Variants in BRD10 observed in about 807,000 individuals in gnomAD.
BRD10 encodes uncharacterized bromodomain-containing protein 10.
At chr9:5,984,179 T>C in the BRD10 span, among the ~76,000 whole-genome samples, 491 of 152,126 alleles carry the variant, frequency 3.2e-3, 5 homozygotes, top group African/African-American at 7.3e-3. Context: ...AGGCAGAATG[T>C]TGGGAAGGGT....
chr9:5,893,289 G>A, the BRD10 span, among the ~76,000 whole-genome samples: 2 of 152,162 alleles, frequency 1.3e-5, no homozygotes, highest in Non-Finnish European at 1.5e-5. Context: ...CTCTGTACGT[G>A]CTGGGTGGCA....
At chr9:5,971,211 T>C in the BRD10 span, among the ~76,000 whole-genome samples, 8 of 152,102 alleles carry the variant, frequency 5.3e-5, no homozygotes, top group East Asian at 7.7e-4. Flanking sequence ...CAGAATGAGA[T>C]ACTACTCCAA....
chr9:5,969,097 T>G, the BRD10 span: 1 of 1,612,950 alleles, frequency 6.2e-7, no homozygotes, highest in Admixed American at 1.7e-5. Flanking sequence ...TGTACCACTG[T>G]TGTACTTTCT....
At chr9:5,957,288 T>C in the BRD10 span, among the ~76,000 whole-genome samples, 2 of 152,302 alleles carry the variant, frequency 1.3e-5, no homozygotes, top group East Asian at 3.9e-4. Context: ...ACACAGTAAG[T>C]AAGCACCACA....
the BRD10 span, among the ~76,000 whole-genome samples, chr9:5,947,724 C>T: frequency 1.9e-4 from 29 of 151,962 alleles, no homozygotes; most frequent in Admixed American, 1.6e-3. Context: ...ACTCTACTAC[C>T]TCTCTTCTGC....
the BRD10 span, among the ~76,000 whole-genome samples, chr9:5,880,196 G>T: frequency 4.6e-5 from 7 of 151,506 alleles, no homozygotes; most frequent in African/African-American, 1.7e-4. Context: ...TGGGATTACA[G>T]GTGTGAGCCA....
the BRD10 span, among the ~76,000 whole-genome samples, chr9:5,915,662 A>T: frequency 1.3e-5 from 2 of 152,192 alleles, no homozygotes; most frequent in Non-Finnish European, 2.9e-5. Context: ...CATAGCACAA[A>T]TGCCACCTCT....
chr9:5,922,512 T>C, the BRD10 span: 1 of 1,614,016 alleles, frequency 6.2e-7, no homozygotes, highest in Non-Finnish European at 8.5e-7. Context: ...GGTAGTTGGG[T>C]AGAAACAGTT....
chr9:5,997,705 A>G, the BRD10 span, among the ~76,000 whole-genome samples: 1 of 152,202 alleles, frequency 6.6e-6, no homozygotes, highest in Admixed American at 6.5e-5. Context: ...ATTAAGCTGG[A>G]TTTCAACCTC....
chr9:5,977,607 A>G, the BRD10 span, among the ~76,000 whole-genome samples: 136,135 of 152,244 alleles, frequency 0.89, 61,747 homozygotes, highest in Non-Finnish European at 0.99. Flanking sequence ...CAGCACTTTG[A>G]GAGGCTGAGG....
chr9:5,911,949 A>T, the BRD10 span, among the ~76,000 whole-genome samples: 15 of 152,130 alleles, frequency 9.9e-5, no homozygotes, highest in Non-Finnish European at 2.2e-4. Flanking sequence ...TTTGATAGGG[A>T]TTGCATTGAA....
chr9:5,903,565 T>C, the BRD10 span, among the ~76,000 whole-genome samples: 1 of 152,184 alleles, frequency 6.6e-6, no homozygotes, highest in African/African-American at 2.4e-5. Context: ...TGGCTTTGTG[T>C]TATTTCTGAT....
the BRD10 span, among the ~76,000 whole-genome samples, chr9:5,990,392 T>G: frequency 1.3e-5 from 2 of 152,306 alleles, no homozygotes; most frequent in African/African-American, 2.4e-5. Context: ...ACAGCAGGTA[T>G]GTAGAGCATT....
chr9:5,974,007 C>A, the BRD10 span, among the ~76,000 whole-genome samples: 1 of 152,026 alleles, frequency 6.6e-6, no homozygotes, highest in Non-Finnish European at 1.5e-5. Flanking sequence ...GAGAATTTTC[C>A]AGAACTAATG....
the BRD10 span, among the ~76,000 whole-genome samples, chr9:5,925,042 T>C: frequency 2.0e-5 from 3 of 152,142 alleles, no homozygotes; most frequent in Non-Finnish European, 1.5e-5. Flanking sequence ...GGTATAGGCA[T>C]AAGAAACTTG....
At chr9:5,907,950 T>C in the BRD10 span, among the ~76,000 whole-genome samples, 2 of 152,100 alleles carry the variant, frequency 1.3e-5, no homozygotes, top group Non-Finnish European at 2.9e-5. Context: ...CAAAACTCCA[T>C]CTCAAAAATA....
At chr9:5,980,885 AACTGTTTTCCCC>A in the BRD10 span, among the ~76,000 whole-genome samples, 1 of 152,146 alleles carries the variant, frequency 6.6e-6, no homozygotes, top group East Asian at 1.9e-4. Flanking sequence ...ACAAAATGAA[AACTGTTTTCCCC>A]ACTTCTTATG....
At chr9:5,962,062 T>G in the BRD10 span, among the ~76,000 whole-genome samples, 1 of 152,284 alleles carries the variant, frequency 6.6e-6, no homozygotes, top group African/African-American at 2.4e-5. Flanking sequence ...TTCTTTTAAT[T>G]GTGATGTTAG....
At chr9:5,936,221 T>C in the BRD10 span, among the ~76,000 whole-genome samples, 7 of 152,140 alleles carry the variant, frequency 4.6e-5, no homozygotes, top group African/African-American at 1.7e-4. Flanking sequence ...CCGGCCATGG[T>C]AGTGTGCACC....
Sources: gnomAD v4.1 joint callset for allele counts (sites outside exome capture counted in the v4.1 genomes callset) on GRCh38, gnomAD v4.1.1 for gene constraint, MANE v1.5 for transcripts, NCBI Gene and HGNC (gene_info 2026-07-23, HGNC 2026-07-21) for gene names.